Variants in STX8 observed in about 807,000 individuals in gnomAD.
STX8 encodes the protein syntaxin-8.
In STX8, 23 loss-of-function variants were observed where a neutral mutation model predicts 37.5. The observed-to-expected ratio is 0.61, with a 90% CI of 0.44 to 0.87. The LOEUF (loss-of-function observed/expected upper bound fraction) is 0.87, where lower values mean the gene tolerates loss of function less well. Among genes scored for constraint, STX8 ranks in the 40% least tolerant of loss-of-function variants. STX8 has a pLI of 0.00. For missense variants in STX8, 313 were observed against 284.7 expected (o/e 1.10, Z -0.71); for synonymous variants, 115 against 99.1 (o/e 1.16, Z -0.95).
chr17:9,315,980 A>T (rs1597600351), intron 7 of STX8, among the ~76,000 whole-genome samples: 1 of 150,250 alleles, frequency 6.7e-6, no homozygotes, highest in African/African-American at 2.5e-5. Context: ...ACGCCACTGC[A>T]CTCCAGCCTG....
At position 9,360,227 on chromosome 17, in the gene STX8, C is replaced by CTTT. The variant is rs58213453; in HGVS notation, c.643+18322_643+18324dup. Among the ~76,000 whole-genome samples, 86 of 72,572 alleles carry CTTT rather than the reference C, an allele frequency of 1.2e-3. 2 individuals are homozygous for CTTT. The highest frequency in any genetic ancestry group is 4.0e-3 in the African/African-American group (74 of 18,698). 47.6% of individuals were successfully genotyped at this position (72,572 alleles called of 152,430 possible). A position where few individuals can be genotyped will look rare whatever the true frequency, so the allele number is the denominator to read the frequency against. On this transcript the variant is annotated intron_variant, in intron 7 of 7. Coordinates refer to ENST00000306357, the MANE Select transcript of STX8 (RefSeq NM_004853.3). Reference sequence around the variant, plus strand: ...ATACATATAATGTAAAATTAACCGTCTTTTTTTTTTTTTTTTTTTTTTTTG... The same window carrying CTTT: ...ATACATATAATGTAAAATTAACCGTCTTTTTTTTTTTTTTTTTTTTTTTTTTTG...
intron 7 of STX8, among the ~76,000 whole-genome samples, chr17:9,311,920 T>C (rs1407455760): frequency 6.6e-6 from 1 of 152,118 alleles, no homozygotes; most frequent in Non-Finnish European, 1.5e-5. Flanking sequence ...TGATCTTGGC[T>C]CACTGCAACC....
At position 9,304,524 on chromosome 17, in the gene STX8, A is replaced by AG. The variant is rs1464369977; in HGVS notation, c.644-53880_644-53879insC. 2.3e-3 allele frequency among the ~76,000 whole-genome samples: 329 copies of AG among 144,280 alleles called. 3 individuals carry two copies. Among genetic ancestry groups the AG allele is most frequent in the African/African-American group, 8.0e-3 (308 of 38,604 alleles). 94.7% of individuals were successfully genotyped at this position (144,280 alleles called of 152,430 possible). On this transcript the variant is annotated intron_variant, in intron 7 of 7. Coordinates refer to ENST00000306357, the MANE Select transcript of STX8 (RefSeq NM_004853.3). Reference sequence around the variant, plus strand: ...AACTGTCTCAAAAAAAAAAAAAAAAAAAAAAGAAAAAAGAAAGAAAAAAGA... The same window carrying AG: ...AACTGTCTCAAAAAAAAAAAAAAAAAGAAAAAGAAAAAAGAAAGAAAAAAGA...
chr17:9,548,235 G>A (rs1409969250), intron 3 of STX8, among the ~76,000 whole-genome samples: 1 of 152,078 alleles, frequency 6.6e-6, no homozygotes, highest in Non-Finnish European at 1.5e-5. Context: ...CTCCCAAGTA[G>A]CTGGGATTAC....
chr17:9,316,300 T>C (rs1277289549), intron 7 of STX8, among the ~76,000 whole-genome samples: 1 of 152,092 alleles, frequency 6.6e-6, no homozygotes, highest in African/African-American at 2.4e-5. Context: ...TCTTTCTGAA[T>C]GTTAATGAGA....
chr17:9,381,032 A>G (rs553971759), intron 6 of STX8, among the ~76,000 whole-genome samples: 10 of 152,154 alleles, frequency 6.6e-5, no homozygotes, highest in African/African-American at 2.4e-4. Context: ...CCATCTTGTT[A>G]CAACTGCTTA....
At chr17:9,310,956 C>T (rs1440506574) in intron 7 of STX8, among the ~76,000 whole-genome samples, 1 of 151,854 alleles carries the variant, frequency 6.6e-6, no homozygotes, top group Admixed American at 6.6e-5. Flanking sequence ...GAGGAGGAGT[C>T]GGCCGGGTGC....
chr17:9,361,969 C>G (rs1012410961), intron 7 of STX8, among the ~76,000 whole-genome samples: 8 of 152,342 alleles, frequency 5.3e-5, no homozygotes, highest in African/African-American at 1.7e-4. Context: ...GGCATCAAAT[C>G]TGTACCCAAA....
intron 6 of STX8, among the ~76,000 whole-genome samples, chr17:9,383,407 T>C (rs568382936): frequency 2.6e-5 from 4 of 152,316 alleles, no homozygotes; most frequent in East Asian, 3.9e-4. Context: ...ACAAAGGGTA[T>C]GACGAAATTC....
chr17:9,535,161 T>C (rs543666565), intron 4 of STX8, among the ~76,000 whole-genome samples: 1 of 152,164 alleles, frequency 6.6e-6, no homozygotes, highest in East Asian at 1.9e-4. Context: ...ACAGGAGAAT[T>C]TCTTTATAAC....
rs190045579 is a variant in STX8, at chr17:9,290,640, G to A, written c.644-39995C>T. ...TATAGCGAGGGAAGGAGGGGCCTCT[G>A]TGGTACAAGTCCCAGATCTCTGGTT... On this transcript the variant is annotated intron_variant, in intron 7 of 7. Transcript: ENST00000306357. Among the ~76,000 whole-genome samples the A allele has an allele frequency of 1.9e-3, 286 of 152,304 alleles. 2 individuals carry two copies. The highest frequency in any genetic ancestry group is 6.5e-3 in the African/African-American group (269 of 41,568).
chr17:9,362,204 C>T (rs2142260880), intron 7 of STX8, among the ~76,000 whole-genome samples: 1 of 152,220 alleles, frequency 6.6e-6, no homozygotes, highest in South Asian at 2.1e-4. Flanking sequence ...TTGGCCCATG[C>T]CTGTAATCCC....
Position 9,568,432 on chromosome 17 carries a change from T to C in STX8, c.56A>G (p.Glu19Gly), listed in dbSNP as rs956073778. 1.2e-6 allele frequency: 2 copies of C among 1,612,942 alleles called. No individual in the cohort carries two copies. The highest frequency in any genetic ancestry group is 3.3e-5 in the Admixed American group (2 of 60,000). The change falls in exon 2 of 8, where the codon GAA (glutamate) becomes GGA (glycine). Residue 19 changes from glutamate to glycine, a missense_variant. Transcript: ENST00000306357. ...TCGTTGTTGAATTTTCTCAGCAATT[T>C]CTTGGGCAATTTGACAAGTAGAATC... is the stretch of plus-strand genomic sequence containing the variant. ...TYDSTCQIAQ[E>G]IAEKIQQRNQ...
intron 6 of STX8, among the ~76,000 whole-genome samples, chr17:9,473,859 T>G (rs1328540366): frequency 6.6e-6 from 1 of 152,152 alleles, no homozygotes; most frequent in African/African-American, 2.4e-5. Flanking sequence ...GCTAATTTCT[T>G]TGGGGAAATT....
Position 9,329,050 on chromosome 17 carries a change from C to CAAAAAAA in STX8, c.643+49495_643+49501dup, listed in dbSNP as rs998679728. Among the ~76,000 whole-genome samples the CAAAAAAA allele has an allele frequency of 2.0e-3, 55 of 27,992 alleles. 3 individuals carry two copies. Among genetic ancestry groups the CAAAAAAA allele is most frequent in the Non-Finnish European group, 2.9e-3 (31 of 10,670 alleles). The allele number at this position is 27,992 out of a possible 152,430, so 18.4% of individuals were successfully genotyped here. On this transcript the variant is annotated intron_variant, in intron 7 of 7. Coordinates refer to ENST00000306357, the MANE Select transcript of STX8 (RefSeq NM_004853.3). ...GGGCGACAAGAGCGAGATTCCATCT[C>CAAAAAAA]AAAAAAAAAAAAAAAAAAAAAAAAA...
At chr17:9,567,413 T>C (rs1404074438) in intron 2 of STX8, among the ~76,000 whole-genome samples, 3 of 152,214 alleles carry the variant, frequency 2.0e-5, no homozygotes, top group South Asian at 2.1e-4. Flanking sequence ...TGGTACCTTA[T>C]AGTAATTTTG....
intron 7 of STX8, among the ~76,000 whole-genome samples, chr17:9,265,820 G>A (rs1339047524): frequency 6.6e-6 from 1 of 152,216 alleles, no homozygotes; most frequent in Non-Finnish European, 1.5e-5. Context: ...GGGGGCGCTG[G>A]AGGGGGGCTT....
chr17:9,386,844 C>T (rs1484117502), intron 6 of STX8, among the ~76,000 whole-genome samples: 3 of 152,042 alleles, frequency 2.0e-5, no homozygotes, highest in Non-Finnish European at 2.9e-5. Context: ...TCAACTTCTA[C>T]CTTAGGTATT....
chr17:9,278,862 G>A (rs748281248), intron 7 of STX8, among the ~76,000 whole-genome samples: 1 of 151,966 alleles, frequency 6.6e-6, no homozygotes, highest in Non-Finnish European at 1.5e-5. Flanking sequence ...CTGCTAAAGG[G>A]GCACTGGAAG....
Sources: allele counts gnomAD v4.1 joint callset (sites outside exome capture counted in the v4.1 genomes callset), GRCh38; gene constraint gnomAD v4.1.1; transcripts MANE v1.5; gene names NCBI Gene and HGNC (gene_info 2026-07-23, HGNC 2026-07-21).